Variants in URB1 observed in about 807,000 individuals in gnomAD.
The protein encoded by URB1 is nucleolar pre-ribosomal-associated protein 1.
A neutral mutation model predicts 242.3 loss-of-function variants in URB1; 197 were observed. The ratio of observed to expected loss-of-function variants is 0.81; its 90% CI spans 0.72 to 0.91. The LOEUF (loss-of-function observed/expected upper bound fraction) is 0.91. Ranked by LOEUF, URB1 falls within the 40% of genes least tolerant of loss-of-function variation. The pLI is 0.00. For synonymous variants in URB1, 1,153 were observed against 1,201.8 expected (o/e 0.96, Z 0.84); for missense variants, 2,721 against 2,860.5 (o/e 0.95, Z 1.11).
intron 1 of URB1, among the ~76,000 whole-genome samples, chr21:32,391,915 T>C (rs1295235226): frequency 1.3e-5 from 2 of 151,132 alleles, no homozygotes; most frequent in Non-Finnish European, 2.9e-5. Context: ...TCTCAGCTAC[T>C]TGGGAGGCTG....
chr21:32,360,154 T>C (rs2033267531), intron 13 of URB1, among the ~76,000 whole-genome samples: 1 of 152,072 alleles, frequency 6.6e-6, no homozygotes, highest in Non-Finnish European at 1.5e-5. Context: ...AGCCCTCCCA[T>C]GCCACACAGC....
chr21:32,379,522 T>C (rs2033497848), intron 4 of URB1, among the ~76,000 whole-genome samples: 1 of 152,222 alleles, frequency 6.6e-6, no homozygotes, highest in Non-Finnish European at 1.5e-5. Context: ...GGAGAGGTGG[T>C]GGCAGTAGTA....
intron 1 of URB1, among the ~76,000 whole-genome samples, chr21:32,389,917 C>T (rs1015179485): frequency 3.3e-5 from 5 of 152,184 alleles, no homozygotes; most frequent in Admixed American, 6.5e-5. Context: ...CTCCACTACA[C>T]GAAGGGAGCA....
chr21:32,366,680 T>C lies in URB1; in HGVS notation c.1273A>G (p.Met425Val), dbSNP rs373359630. 1.9e-5 allele frequency: 29 copies of C among 1,551,334 alleles called. No homozygotes were observed. The African/African-American group carries it at 2.7e-4, about 15-fold the overall frequency. Residue 425 changes from methionine (M) to valine (V), a missense_variant, in exon 10 of 39, where the codon ATG (methionine) becomes GTG (valine). Transcript: ENST00000382751. ...AGGGGCACGGTGGTCACCATCACCA[T>C]TGCCAGGAGCCGAGGCAAGGGTATA... ...EFIPLPRLLA[M>V]VMVTTVPLVC...
rs199556070 is a variant in URB1, at chr21:32,317,713, T to C, written c.5997A>G (p.Arg1999=). 4 of 1,551,814 alleles carry C rather than the reference T, an allele frequency of 2.6e-6. No homozygotes were observed. The highest frequency in any genetic ancestry group is 3.5e-6 in the Non-Finnish European group (4 of 1,147,026). ...GGGCTTGGGCCTTCTCAATGGCTGC[T>C]CTCAGGTCTTCCTGGAGCTTGAGGT... The part of the protein sequence containing the change: ...ERDLKLQEDL[R]AAIEKAQARE... The change falls in exon 37 of 39, where the codon AGA becomes AGG. Residue 1999 remains arginine, a synonymous_variant. Transcript: ENST00000382751.
At chr21:32,380,586 A>C (rs2033512208) in intron 4 of URB1, among the ~76,000 whole-genome samples, 1 of 152,216 alleles carries the variant, frequency 6.6e-6, no homozygotes, top group Non-Finnish European at 1.5e-5. Flanking sequence ...GAGAGGGTGC[A>C]AAGTTTACCA....
rs916886745 is a variant in URB1, at chr21:32,318,005, C to A, written c.5793-88G>T. 11 of 1,488,356 alleles carry A rather than the reference C, an allele frequency of 7.4e-6. No homozygotes were observed. In the South Asian group the frequency reaches 1.4e-4, roughly 20 times the overall value. The allele number at this position is 1,488,356 out of a possible 1,614,324, so 92.2% of individuals were successfully genotyped here. ...TGCGGCACCCTGACGACATCACACA[C>A]CCAGAGGTGCACACAGTCCCTCCAG... is the stretch of plus-strand genomic sequence containing the variant. On this transcript the variant is annotated intron_variant, in intron 36 of 38. Coordinates refer to ENST00000382751, the MANE Select transcript of URB1 (RefSeq NM_014825.3).
At chr21:32,367,262 G>A (rs2033356534) in intron 9 of URB1, among the ~76,000 whole-genome samples, 1 of 152,190 alleles carries the variant, frequency 6.6e-6, no homozygotes, top group African/African-American at 2.4e-5. Flanking sequence ...AAGCAGCCAA[G>A]TAAGGACTCA....
At chr21:32,392,623 C>T (rs2033652362) in intron 1 of URB1, 146 bp downstream of exon 1, 2 of 1,147,704 alleles carry the variant, frequency 1.7e-6, no homozygotes. Context: ...ACACAGCAGT[C>T]CTGAACCTCA....
chr21:32,365,718 C>G (rs1220195580), intron 10 of URB1, among the ~76,000 whole-genome samples: 1 of 152,174 alleles, frequency 6.6e-6, no homozygotes, highest in African/African-American at 2.4e-5. Flanking sequence ...CAGCACAAAC[C>G]CTGGAGGGGT....
At chr21:32,367,919 G>A (rs1053367388) in intron 9 of URB1, among the ~76,000 whole-genome samples, 2 of 152,156 alleles carry the variant, frequency 1.3e-5, no homozygotes, top group African/African-American at 4.8e-5. Flanking sequence ...ATTCAGCTCA[G>A]TGAAAGGCAA....
intron 34 of URB1, 73 bp downstream of exon 34, chr21:32,321,728 T>C: frequency 6.5e-7 from 1 of 1,533,442 alleles, no homozygotes; most frequent in South Asian, 1.2e-5. Flanking sequence ...TCATACGGAC[T>C]TGACTTCCAG....
At position 32,316,833 on chromosome 21, in the gene URB1, C is replaced by A. The variant is rs530950328; in HGVS notation, c.6267G>T (p.Ala2089=). ...AAGCGGCAGCATATACGGGGCCTGG[C>A]GCATCGCTCTCGGGGCTGGCTGAGT... ...PVDSASPESD[A]PGPVYAAASL... The change falls in exon 38 of 39, where the codon GCG becomes GCT. Residue 2089 remains alanine (A), a synonymous_variant. Coordinates refer to ENST00000382751, the MANE Select transcript of URB1 (RefSeq NM_014825.3). 1 of 1,547,484 alleles carries A rather than the reference C, an allele frequency of 6.5e-7. No homozygotes were observed. Among genetic ancestry groups the A allele is most frequent in the South Asian group, 1.2e-5 (1 of 83,704 alleles).
At position 32,320,747 on chromosome 21, in the gene URB1, T is replaced by G. The variant is rs566740027; in HGVS notation, c.5485-107A>C. 3.6e-6 allele frequency: 3 copies of G among 823,494 alleles called. No homozygotes were observed. The African/African-American group carries it at 5.2e-5, about 14-fold the overall frequency. 51.0% of individuals were successfully genotyped at this position (823,494 alleles called of 1,614,324 possible). On this transcript the variant is annotated intron_variant, in intron 34 of 38. Transcript: ENST00000382751. ...GTATGGTGCCATTACAGGTGGTGGC[T>G]GCAAATGAAGCCTGCTTTGCTAAGT...
chr21:32,364,192 T>C (rs985232593), intron 10 of URB1, among the ~76,000 whole-genome samples: 11 of 152,130 alleles, frequency 7.2e-5, no homozygotes, highest in African/African-American at 2.7e-4. Flanking sequence ...CTGCAGAGAC[T>C]GAGTAGGGTT....
At position 32,349,450 on chromosome 21, in the gene URB1, G is replaced by A. The variant is rs2033130973; in HGVS notation, c.2866C>T (p.Leu956Phe). Residue 956 changes from leucine to phenylalanine, a missense_variant, in exon 21 of 39, where the codon CTC becomes TTC. Coordinates refer to ENST00000382751, the MANE Select transcript of URB1 (RefSeq NM_014825.3). ...GRSVGPPLLQ[L>F]FLDLLRRLVV... ...AGGCGCCTGAGGAGATCCAGGAAGA[G>A]CTGCAGGAGGGGCGGGCCCACACTT... is the stretch of plus-strand genomic sequence containing the variant. The A allele has an allele frequency of 6.4e-7, 1 of 1,550,998 alleles. No individual in the cohort carries two copies. The highest frequency in any genetic ancestry group is 1.4e-5 in the African/African-American group (1 of 73,154).
chr21:32,355,478 T>C lies in URB1; in HGVS notation c.2077A>G (p.Lys693Glu), dbSNP rs138144587. 1,129 of 1,551,900 alleles carry C rather than the reference T, an allele frequency of 7.3e-4. 4 individuals are homozygous for C. In the African/African-American group the frequency reaches 0.013, roughly 18 times the overall value. ...EHLENTMEED[K>E]ETVIQFLERI... is the part of the protein sequence containing the mutation. ...TCCAGAAACTGAATCACAGTCTCTT[T>C]GTCCTCTTCCATGGTGTTCTCTAAA... Residue 693 changes from lysine to glutamate, a missense_variant, in exon 16 of 39, where the codon AAA becomes GAA. Coordinates refer to ENST00000382751, the MANE Select transcript of URB1 (RefSeq NM_014825.3).
At chr21:32,368,930 C>T (rs1266578779) in intron 8 of URB1, among the ~76,000 whole-genome samples, 1 of 152,144 alleles carries the variant, frequency 6.6e-6, no homozygotes, top group African/African-American at 2.4e-5. Context: ...AGCCACCTAC[C>T]AGTCTGCCTA....
At position 32,322,562 on chromosome 21, in the gene URB1, G is replaced by A. The variant is rs542235981; in HGVS notation, c.5256C>T (p.Val1752=). Residue 1752 remains valine (V), a synonymous_variant, in exon 33 of 39, where the codon GTC becomes GTT. Transcript: ENST00000382751. ...LKPEEHMYLK[V]SNFLLSHEYL... The stretch of plus-strand genomic sequence containing the variant: ...ACTCATGCGACAGCAGGAAGTTGCT[G>A]ACCTTCAGGTACATGTGCTCCTCTG... The A allele has an allele frequency of 1.3e-6, 2 of 1,551,966 alleles. No individual in the cohort carries two copies. The highest frequency in any genetic ancestry group is 3.9e-5 in the Admixed American group (2 of 51,004).
Sources: gnomAD v4.1 joint callset for allele counts (sites outside exome capture counted in the v4.1 genomes callset) on GRCh38, gnomAD v4.1.1 for gene constraint, MANE v1.5 for transcripts, NCBI Gene and HGNC (gene_info 2026-07-23, HGNC 2026-07-21) for gene names.